METTL24: variants seen among roughly 807,000 people sequenced by gnomAD.
METTL24 encodes probable methyltransferase-like protein 24.
A neutral mutation model predicts 32.7 loss-of-function variants in METTL24; 29 were observed. The observed-to-expected ratio is 0.89, with a 90% CI of 0.66 to 1.21. The LOEUF is 1.21. Among genes scored for constraint, METTL24 ranks in the 50% most tolerant of loss-of-function variants. The pLI is 0.00. For synonymous variants in METTL24, 163 were observed against 179.5 expected (o/e 0.91, Z 0.73); for missense variants, 439 against 468.1 (o/e 0.94, Z 0.57).
chr6:110,351,878 T>C (rs911471891), intron 1 of METTL24, among the ~76,000 whole-genome samples: 3 of 152,246 alleles, frequency 2.0e-5, no homozygotes, highest in Admixed American at 1.3e-4. Context: ...TCCTTCTCTA[T>C]TCCACATGGC....
At chr6:110,283,198 T>C (rs1771166903) in intron 4 of METTL24, among the ~76,000 whole-genome samples, 1 of 152,152 alleles carries the variant, frequency 6.6e-6, no homozygotes, top group Admixed American at 6.6e-5. Context: ...CACCTCTTCC[T>C]AACAAGACTA....
intron 4 of METTL24, among the ~76,000 whole-genome samples, chr6:110,264,305 G>A (rs1048973070): frequency 1.1e-4 from 16 of 152,146 alleles, no homozygotes; most frequent in African/African-American, 3.9e-4. Flanking sequence ...TCAACAAGTG[G>A]GGAAAGGATA....
chr6:110,318,465 T>C (rs562412902), intron 2 of METTL24, among the ~76,000 whole-genome samples: 1 of 151,898 alleles, frequency 6.6e-6, no homozygotes, highest in Non-Finnish European at 1.5e-5. Context: ...CTGGCCAGCA[T>C]GGTGAAACCC....
chr6:110,287,466 T>C (rs191933637), intron 4 of METTL24, among the ~76,000 whole-genome samples: 194 of 152,270 alleles, frequency 1.3e-3, no homozygotes, highest in Non-Finnish European at 2.2e-3. Context: ...TGCCTTCAAA[T>C]ACACAGAAAG....
chr6:110,259,058 A>G (rs1329813903), intron 4 of METTL24, among the ~76,000 whole-genome samples: 2 of 152,162 alleles, frequency 1.3e-5, no homozygotes. Flanking sequence ...ATGATGAATG[A>G]TTTCTGCATT....
intron 4 of METTL24, among the ~76,000 whole-genome samples, chr6:110,252,301 G>GCAGGTTTGGTTTCTCCTAAGTCCTCC (rs1305961230): frequency 6.6e-6 from 1 of 152,202 alleles, no homozygotes; most frequent in Non-Finnish European, 1.5e-5. Context: ...CAACGTGTCA[G>GCAGGTTTGGTTTCTCCTAAGTCCTCC]CAGGTTTGGT....
intron 4 of METTL24, among the ~76,000 whole-genome samples, chr6:110,295,629 G>T (rs17071401): frequency 2.6e-5 from 4 of 152,102 alleles, no homozygotes; most frequent in Non-Finnish European, 5.9e-5. Context: ...GCTGTTCAGC[G>T]CCTGGAGGCA....
At chr6:110,356,913 C>T (rs573857975) in intron 1 of METTL24, among the ~76,000 whole-genome samples, 4 of 152,288 alleles carry the variant, frequency 2.6e-5, no homozygotes, top group East Asian at 3.9e-4. Flanking sequence ...AAGTGAAGCC[C>T]GGCAGGAGTG....
At chr6:110,295,018 T>C (rs1241986796) in intron 4 of METTL24, among the ~76,000 whole-genome samples, 5 of 125,374 alleles carry the variant, frequency 4.0e-5, no homozygotes, top group African/African-American at 1.8e-4. Context: ...TCTTTCTTTT[T>C]TTTTTTTTTT....
chr6:110,345,988 T>C (rs1772465325), intron 1 of METTL24, among the ~76,000 whole-genome samples: 1 of 152,228 alleles, frequency 6.6e-6, no homozygotes, highest in African/African-American at 2.4e-5. Flanking sequence ...TCAAACCGAT[T>C]ACAAATGTTC....
intron 4 of METTL24, among the ~76,000 whole-genome samples, chr6:110,297,024 A>G (rs1255549095): frequency 6.6e-6 from 1 of 152,232 alleles, no homozygotes; most frequent in Non-Finnish European, 1.5e-5. Flanking sequence ...AAAAATCTCT[A>G]TGGAAGAATA....
rs1343936888 is a variant in METTL24 at position 110,285,660 on chromosome 6, A to G, written c.786+13262T>C. ...TTTTTAACACTCATAAAGGAATTGC[A>G]GAGTGGCATGACCTTGCAAATCTGA... On this transcript the variant is annotated intron_variant, in intron 4 of 4. Coordinates refer to ENST00000338882, the MANE Select transcript of METTL24 (RefSeq NM_001123364.3). Among the ~76,000 whole-genome samples the G allele has an allele frequency of 1.3e-5, 2 of 152,242 alleles. 1 individual carries two copies. Among genetic ancestry groups the G allele is most frequent in the African/African-American group, 4.8e-5 (2 of 41,476 alleles).
intron 1 of METTL24, among the ~76,000 whole-genome samples, chr6:110,352,104 T>C (rs1366019114): frequency 1.3e-5 from 2 of 152,214 alleles, no homozygotes; most frequent in East Asian, 1.9e-4. Flanking sequence ...CCTACGATCT[T>C]ACCCTCCCCA....
intron 1 of METTL24, among the ~76,000 whole-genome samples, chr6:110,339,717 T>A (rs138289856): frequency 1.5e-4 from 23 of 152,360 alleles, no homozygotes; most frequent in African/African-American, 5.5e-4. Flanking sequence ...ATGTATATGT[T>A]TTTGTGATTC....
intron 1 of METTL24, among the ~76,000 whole-genome samples, chr6:110,326,213 T>C (rs1562238198): frequency 6.6e-6 from 1 of 152,194 alleles, no homozygotes. Context: ...GAAGAAACAC[T>C]ACACAGAGAG....
intron 1 of METTL24, among the ~76,000 whole-genome samples, chr6:110,342,387 C>G (rs1443533860): frequency 6.6e-6 from 1 of 152,170 alleles, no homozygotes; most frequent in Non-Finnish European, 1.5e-5. Context: ...AGCATGTGGG[C>G]TCCACATTTC....
chr6:110,258,278 C>A (rs543246997), intron 4 of METTL24, among the ~76,000 whole-genome samples: 7 of 152,254 alleles, frequency 4.6e-5, no homozygotes, highest in Admixed American at 3.9e-4. Flanking sequence ...AAATTTGGTA[C>A]AAGAAATATA....
At chr6:110,331,279 C>T (rs1381306340) in intron 1 of METTL24, among the ~76,000 whole-genome samples, 1 of 151,622 alleles carries the variant, frequency 6.6e-6, no homozygotes, top group Middle Eastern at 3.2e-3. Context: ...GGGACCTGTG[C>T]AGCAATACCA....
intron 4 of METTL24, among the ~76,000 whole-genome samples, chr6:110,295,356 C>A (rs1453329917): frequency 2.0e-5 from 3 of 152,124 alleles, no homozygotes; most frequent in South Asian, 4.1e-4. Context: ...GAGCTCCCAG[C>A]CAAGGGAGGC....
Sources: gnomAD v4.1 joint callset for allele counts (sites outside exome capture counted in the v4.1 genomes callset) on GRCh38, gnomAD v4.1.1 for gene constraint, MANE v1.5 for transcripts, NCBI Gene and HGNC (gene_info 2026-07-23, HGNC 2026-07-21) for gene names.